Variants in DMRT1 observed in about 807,000 individuals in gnomAD.
The protein encoded by DMRT1 is doublesex and mab-3 related transcription factor 1, also known as doublesex- and mab-3-related transcription factor 1.
DMRT1 carries 7 observed loss-of-function variants against 32.3 expected under a neutral mutation model. That is an observed-to-expected ratio of 0.22 (90% confidence interval 0.12 to 0.41). DMRT1 has a LOEUF of 0.41. Ranked by LOEUF, DMRT1 falls within the 10% of genes least tolerant of loss-of-function variation. DMRT1 has a pLI of 1.00. For missense variants in DMRT1, 625 were observed against 500.5 expected, an observed-to-expected ratio of 1.25 and a Z score of -2.37; for synonymous variants, 278 against 206.1, an observed-to-expected ratio of 1.35 and a Z score of -2.99.
chr9:929,561 A>C lies in DMRT1; in HGVS notation c.967+12654A>C, dbSNP rs537119199. Among the ~76,000 whole-genome samples the C allele has an allele frequency of 1.8e-3, 270 of 152,166 alleles. 3 individuals carry two copies. Among genetic ancestry groups the C allele is most frequent in the Middle Eastern group, 3.4e-3 (1 of 294 alleles). On this transcript the variant is annotated intron_variant, in intron 4 of 4. Coordinates refer to ENST00000382276, the MANE Select transcript of DMRT1 (RefSeq NM_021951.3). ...TTATTTCTCCTTCTGCTTGGGTGAT[A>C]CATAGGTCCAGAAAGGTCAAAAGAA...
At chr9:926,373 G>A (rs1420650193) in intron 4 of DMRT1, among the ~76,000 whole-genome samples, 1 of 152,266 alleles carries the variant, frequency 6.6e-6, no homozygotes, top group South Asian at 2.1e-4. Context: ...AATCATAAGT[G>A]CAAATAGAAA....
chr9:867,365 G>T (rs191792394), intron 2 of DMRT1, among the ~76,000 whole-genome samples: 1 of 152,190 alleles, frequency 6.6e-6, no homozygotes, highest in Non-Finnish European at 1.5e-5. Context: ...AGCCAGGAGA[G>T]CGGGCAGTGC....
intron 2 of DMRT1, among the ~76,000 whole-genome samples, chr9:881,429 A>G (rs1484064766): frequency 1.3e-5 from 2 of 152,220 alleles, no homozygotes; most frequent in Non-Finnish European, 2.9e-5. Context: ...GCAGGGACAA[A>G]GACAAAACAT....
chr9:849,704 A>C (rs1282408246), intron 2 of DMRT1, among the ~76,000 whole-genome samples: 3 of 152,196 alleles, frequency 2.0e-5, no homozygotes, highest in Non-Finnish European at 4.4e-5. Context: ...GCCTTGAACT[A>C]GCACTCACAG....
intron 3 of DMRT1, among the ~76,000 whole-genome samples, chr9:898,973 A>C (rs549833981): frequency 2.0e-4 from 31 of 152,274 alleles, no homozygotes; most frequent in African/African-American, 7.5e-4. Flanking sequence ...TTTTCAGTAA[A>C]GAAATCTTTC....
chr9:865,195 C>A (rs1444790977), intron 2 of DMRT1, among the ~76,000 whole-genome samples: 1 of 152,138 alleles, frequency 6.6e-6, no homozygotes, highest in Non-Finnish European at 1.5e-5. Context: ...ATATTGAAGA[C>A]ACCTGGGAAA....
intron 2 of DMRT1, among the ~76,000 whole-genome samples, chr9:872,261 C>G (rs945159677): frequency 2.0e-5 from 3 of 151,912 alleles, no homozygotes; most frequent in Non-Finnish European, 4.4e-5. Context: ...TAGGGTTTCA[C>G]CATGTTGGCC....
chr9:898,241 T>TC (rs1817448051), intron 3 of DMRT1, among the ~76,000 whole-genome samples: 1 of 151,982 alleles, frequency 6.6e-6, no homozygotes, highest in South Asian at 2.1e-4. Context: ...TGCCTCAGCC[T>TC]CCCAAGTAGC....
intron 4 of DMRT1, among the ~76,000 whole-genome samples, chr9:958,346 T>C (rs1014615782): frequency 6.6e-6 from 1 of 152,234 alleles, no homozygotes; most frequent in Admixed American, 6.5e-5. Flanking sequence ...TTCTCTCATA[T>C]CCACTTAATT....
At chr9:890,700 T>G (rs1388431657) in intron 2 of DMRT1, among the ~76,000 whole-genome samples, 2 of 152,044 alleles carry the variant, frequency 1.3e-5, no homozygotes, top group African/African-American at 2.4e-5. Flanking sequence ...CACTTAAACC[T>G]CTATTTATTT....
chr9:870,279 A>G (rs1816181452), intron 2 of DMRT1, among the ~76,000 whole-genome samples: 2 of 152,092 alleles, frequency 1.3e-5, no homozygotes, highest in South Asian at 4.1e-4. Context: ...TGCACCTGTA[A>G]TCCCAGCTAC....
intron 2 of DMRT1, among the ~76,000 whole-genome samples, chr9:865,436 G>T (rs528733504): frequency 6.6e-6 from 1 of 151,698 alleles, no homozygotes; most frequent in East Asian, 1.9e-4. Context: ...GATATGTATG[G>T]TACTTAATTT....
At chr9:913,137 T>TA (rs1214896235) in intron 3 of DMRT1, among the ~76,000 whole-genome samples, 4 of 152,200 alleles carry the variant, frequency 2.6e-5, no homozygotes, top group African/African-American at 7.2e-5. Flanking sequence ...ACTTTCATAG[T>TA]AAAAAAAACA....
chr9:960,627 G>T (rs914604751), intron 4 of DMRT1, among the ~76,000 whole-genome samples: 8 of 152,182 alleles, frequency 5.3e-5, no homozygotes, highest in Non-Finnish European at 7.3e-5. Context: ...CAGAGCTCCT[G>T]GTCTTTCTGG....
At chr9:846,290 C>G (rs998644623) in intron 1 of DMRT1, among the ~76,000 whole-genome samples, 2 of 152,140 alleles carry the variant, frequency 1.3e-5, no homozygotes, top group Admixed American at 6.5e-5. Context: ...ACCTCTGCCT[C>G]CCAAAGTGCT....
intron 4 of DMRT1, among the ~76,000 whole-genome samples, chr9:959,049 C>T (rs1266371277): frequency 6.6e-6 from 1 of 152,210 alleles, no homozygotes; most frequent in Non-Finnish European, 1.5e-5. Context: ...GACAGCCAAC[C>T]TAGTTTGTAG....
At chr9:948,697 G>A (rs1469709029) in intron 4 of DMRT1, among the ~76,000 whole-genome samples, 1 of 152,014 alleles carries the variant, frequency 6.6e-6, no homozygotes, top group Non-Finnish European at 1.5e-5. Flanking sequence ...GCAGCAAACA[G>A]TTGAGTGGCC....
chr9:915,162 C>T (rs182937441), intron 3 of DMRT1, among the ~76,000 whole-genome samples: 1 of 152,194 alleles, frequency 6.6e-6, no homozygotes, highest in East Asian at 1.9e-4. Flanking sequence ...AAAGCGAGTA[C>T]CATCTAAATT....
chr9:851,013 G>C (rs1839122977), intron 2 of DMRT1, among the ~76,000 whole-genome samples: 1 of 138,402 alleles, frequency 7.2e-6, no homozygotes, highest in South Asian at 2.4e-4. Flanking sequence ...TGGGCGACAG[G>C]GTGAGACTCT....
Sources: allele counts gnomAD v4.1 joint callset (sites outside exome capture counted in the v4.1 genomes callset), GRCh38; gene constraint gnomAD v4.1.1; transcripts MANE v1.5; gene names NCBI Gene and HGNC (gene_info 2026-07-23, HGNC 2026-07-21).